EPHB1: variants seen among roughly 807,000 people sequenced by gnomAD.
EPHB1 encodes the protein ephrin type-B receptor 1.
In EPHB1, 30 loss-of-function variants were observed where a neutral mutation model predicts 94.4. The observed-to-expected ratio is 0.32, with a 90% CI of 0.24 to 0.43. The LOEUF is 0.43. Among genes scored for constraint, EPHB1 ranks in the 20% least tolerant of loss-of-function variants. The pLI is 1.00. For synonymous variants in EPHB1, 522 were observed against 489.1 expected, an observed-to-expected ratio of 1.07 and a Z score of -0.89; for missense variants, 1,055 against 1,308.3, an observed-to-expected ratio of 0.81 and a Z score of 2.99.
chr3:135,194,171 GC>G (rs1264613680), intron 11 of EPHB1, among the ~76,000 whole-genome samples: 3 of 152,122 alleles, frequency 2.0e-5, no homozygotes, highest in Non-Finnish European at 4.4e-5. Context: ...GAGAAAACAG[GC>G]CCCACATTTT....
chr3:134,827,098 A>G (rs532919515), intron 1 of EPHB1, among the ~76,000 whole-genome samples: 1 of 152,348 alleles, frequency 6.6e-6, no homozygotes, highest in Admixed American at 6.5e-5. Flanking sequence ...CACAGATTCC[A>G]TTACTCAAGG....
chr3:135,241,551 T>C (rs1943782639), intron 13 of EPHB1, among the ~76,000 whole-genome samples: 1 of 152,156 alleles, frequency 6.6e-6, no homozygotes, highest in Non-Finnish European at 1.5e-5. Context: ...CAAGAGACAA[T>C]GGGCTGTTTC....
Position 135,057,657 on chromosome 3 carries a change from TG to T in EPHB1, c.806-48789del, listed in dbSNP as rs369359292. Reference sequence around the variant, plus strand: ...TTTTTTGCAGGTTCTCTGAGTATGGTGGCCATATTTTCCAATCTCGATGTCA... The same window carrying T: ...TTTTTTGCAGGTTCTCTGAGTATGGTGCCATATTTTCCAATCTCGATGTCA... On this transcript the variant is annotated intron_variant, in intron 3 of 15. Transcript: ENST00000398015. Among the ~76,000 whole-genome samples, 22 of 152,302 alleles carry T rather than the reference TG, an allele frequency of 1.4e-4. No individual in the cohort carries two copies. In the South Asian group the frequency reaches 4.4e-3, roughly 30 times the overall value.
chr3:134,942,573 G>C (rs1359272865), intron 2 of EPHB1, among the ~76,000 whole-genome samples: 1 of 152,250 alleles, frequency 6.6e-6, no homozygotes, highest in Non-Finnish European at 1.5e-5. Context: ...CAAAGGGCAA[G>C]GTGGTGCATC....
At chr3:135,144,954 A>T (rs1940961772) in intron 5 of EPHB1, among the ~76,000 whole-genome samples, 1 of 152,248 alleles carries the variant, frequency 6.6e-6, no homozygotes, top group African/African-American at 2.4e-5. Flanking sequence ...ACCAATGTCC[A>T]CAATAGAGGA....
At chr3:135,093,445 C>T (rs1398621818) in intron 3 of EPHB1, among the ~76,000 whole-genome samples, 1 of 152,124 alleles carries the variant, frequency 6.6e-6, no homozygotes, top group African/African-American at 2.4e-5. Flanking sequence ...TAGCCAGACA[C>T]GGTGGCCCAC....
chr3:135,168,592 G>A lies in EPHB1; in HGVS notation c.1759+1586G>A, dbSNP rs116645338. Among the ~76,000 whole-genome samples, 765 of 152,304 alleles carry A rather than the reference G, an allele frequency of 5.0e-3. 10 individuals carry two copies. Among genetic ancestry groups the A allele is most frequent in the African/African-American group, 0.018 (731 of 41,566 alleles). ...GAAAACAGGGACTTTGCTTGTACCT[G>A]TGATTCTCAAGTGATGGTGCACTCA... On this transcript the variant is annotated intron_variant, in intron 9 of 15. Coordinates refer to ENST00000398015, the MANE Select transcript of EPHB1 (RefSeq NM_004441.5).
intron 9 of EPHB1, among the ~76,000 whole-genome samples, chr3:135,170,174 A>G (rs1373337052): frequency 1.3e-5 from 2 of 152,178 alleles, no homozygotes; most frequent in Non-Finnish European, 2.9e-5. Flanking sequence ...AAGGCACAGG[A>G]CACTACAGAG....
intron 3 of EPHB1, among the ~76,000 whole-genome samples, chr3:135,007,620 A>T (rs776861445): frequency 5.9e-5 from 9 of 152,132 alleles, no homozygotes; most frequent in Non-Finnish European, 1.2e-4. Context: ...GTGCATATTC[A>T]CCTGCACACC....
At chr3:134,914,599 C>T (rs1201565147) in intron 1 of EPHB1, among the ~76,000 whole-genome samples, 2 of 152,242 alleles carry the variant, frequency 1.3e-5, no homozygotes, top group East Asian at 3.9e-4. Flanking sequence ...GACATGGGGG[C>T]TGCCTTCCAT....
At chr3:135,061,266 A>G (rs1937494700) in intron 3 of EPHB1, among the ~76,000 whole-genome samples, 1 of 151,774 alleles carries the variant, frequency 6.6e-6, no homozygotes, top group Non-Finnish European at 1.5e-5. Context: ...GTAGCCTTTT[A>G]TCTCTTGTCC....
intron 1 of EPHB1, among the ~76,000 whole-genome samples, chr3:134,887,854 T>C (rs2108314222): frequency 6.6e-6 from 1 of 152,342 alleles, no homozygotes; most frequent in Non-Finnish European, 1.5e-5. Context: ...AGAAGACAGG[T>C]ACTATTTCCC....
intron 3 of EPHB1, among the ~76,000 whole-genome samples, chr3:135,021,506 C>T (rs1394947881): frequency 2.0e-5 from 3 of 151,554 alleles, no homozygotes; most frequent in Admixed American, 2.0e-4. Flanking sequence ...TCTCTCCCCC[C>T]ACCCCCCACC....
At chr3:135,034,583 G>A (rs1936586366) in intron 3 of EPHB1, among the ~76,000 whole-genome samples, 1 of 152,272 alleles carries the variant, frequency 6.6e-6, no homozygotes, top group Admixed American at 6.5e-5. Flanking sequence ...GGTGGATTGT[G>A]GTGAATTGAT....
intron 3 of EPHB1, among the ~76,000 whole-genome samples, chr3:135,050,815 C>G (rs1356452565): frequency 6.6e-6 from 1 of 152,064 alleles, no homozygotes; most frequent in Non-Finnish European, 1.5e-5. Flanking sequence ...TCACCTTCTG[C>G]CAGGATTTGG....
At chr3:135,171,645 T>A (rs901400413) in intron 9 of EPHB1, among the ~76,000 whole-genome samples, 2 of 152,226 alleles carry the variant, frequency 1.3e-5, no homozygotes, top group African/African-American at 4.8e-5. Context: ...ATAGGAGACC[T>A]AACTTGCTGT....
intron 7 of EPHB1, among the ~76,000 whole-genome samples, chr3:135,163,123 G>A (rs189540572): frequency 6.6e-6 from 1 of 152,262 alleles, no homozygotes; most frequent in East Asian, 1.9e-4. Flanking sequence ...TTAGGCCAAT[G>A]CTCTCAGTCT....
At chr3:134,971,464 A>G (rs1002986955) in intron 3 of EPHB1, among the ~76,000 whole-genome samples, 1 of 152,154 alleles carries the variant, frequency 6.6e-6, no homozygotes, top group Non-Finnish European at 1.5e-5. Context: ...GTCTGGATGG[A>G]TGGGTGGATG....
At chr3:134,967,959 C>T (rs562418098) in intron 3 of EPHB1, among the ~76,000 whole-genome samples, 2 of 152,322 alleles carry the variant, frequency 1.3e-5, no homozygotes, top group East Asian at 3.9e-4. Context: ...TTTCCCTGAA[C>T]CCTCAGTGCA....
Sources: allele counts gnomAD v4.1 joint callset (sites outside exome capture counted in the v4.1 genomes callset), GRCh38; gene constraint gnomAD v4.1.1; transcripts MANE v1.5; gene names NCBI Gene and HGNC (gene_info 2026-07-23, HGNC 2026-07-21).